Variants in DPYD observed in about 807,000 individuals in gnomAD.
DPYD encodes the protein dihydropyrimidine dehydrogenase.
A neutral mutation model predicts 116.2 loss-of-function variants in DPYD; 109 were observed. That is an observed-to-expected ratio of 0.94 (90% CI 0.80 to 1.10). The LOEUF (loss-of-function observed/expected upper bound fraction) is 1.10. Ranked by LOEUF, DPYD falls within the 50% of genes least tolerant of loss-of-function variation. DPYD has a pLI of 0.00. For synonymous variants in DPYD, 440 were observed against 432.0 expected (o/e 1.02, Z -0.23); for missense variants, 1,302 against 1,254.5 (o/e 1.04, Z -0.57).
intron 18 of DPYD, among the ~76,000 whole-genome samples, chr1:97,278,945 G>T (rs1665130359): frequency 6.6e-6 from 1 of 151,382 alleles, no homozygotes; most frequent in Non-Finnish European, 1.5e-5. Flanking sequence ...ACAGCTCTTT[G>T]CAGACACTAA....
intron 19 of DPYD, among the ~76,000 whole-genome samples, chr1:97,195,569 C>CATATATATATATATATATAT (rs1200424384): frequency 2.7e-5 from 1 of 37,376 alleles, no homozygotes; most frequent in African/African-American, 1.0e-4. Context: ...ACAGAACTCT[C>CATATATATATATATATATAT]ATATATATAT....
At chr1:97,740,543 TATACTC>T in intron 3 of DPYD, 64 bp from the exon 4 acceptor site, 1 of 1,372,448 alleles carries the variant, frequency 7.3e-7, no homozygotes, top group Non-Finnish European at 1.0e-6. Context: ...TTTTCTACCT[TATACTC>T]ATTCAGAGTC....
chr1:97,731,256 A>C (rs1663592969), intron 4 of DPYD, among the ~76,000 whole-genome samples: 2 of 152,108 alleles, frequency 1.3e-5, no homozygotes, highest in Non-Finnish European at 2.9e-5. Context: ...TGTGATGCAT[A>C]GTACAGTGTG....
chr1:97,155,604 C>T (rs772038468), intron 20 of DPYD, among the ~76,000 whole-genome samples: 1 of 152,164 alleles, frequency 6.6e-6, no homozygotes, highest in African/African-American at 2.4e-5. Flanking sequence ...ATACTGCTTT[C>T]TAAATTGTGT....
intron 21 of DPYD, among the ~76,000 whole-genome samples, chr1:97,092,994 A>T (rs905246948): frequency 3.9e-5 from 6 of 152,108 alleles, no homozygotes; most frequent in African/African-American, 1.4e-4. Flanking sequence ...TACCTGAAAT[A>T]TTCTCAGTTC....
chr1:97,678,860 G>T (rs1447013965), intron 8 of DPYD, among the ~76,000 whole-genome samples: 1 of 152,020 alleles, frequency 6.6e-6, no homozygotes, highest in Non-Finnish European at 1.5e-5. Context: ...ATGATGGTGT[G>T]GTGAAAGAAT....
Position 97,624,349 on chromosome 1 carries a change from T to C in DPYD, c.851-29183A>G, listed in dbSNP as rs143314049. Among the ~76,000 whole-genome samples, 1,126 of 152,080 alleles carry C rather than the reference T, an allele frequency of 7.4e-3. 15 individuals are homozygous for C. Among genetic ancestry groups the C allele is most frequent in the African/African-American group, 0.026 (1,071 of 41,512 alleles). ...CATTTCTCAAAAGATGACATACAAA[T>C]GGCCTAGAATATATGAAAATTATCC... On this transcript the variant is annotated intron_variant, in intron 8 of 22. Transcript: ENST00000370192.
At chr1:97,141,362 T>TC (rs980501721) in intron 20 of DPYD, among the ~76,000 whole-genome samples, 5 of 152,066 alleles carry the variant, frequency 3.3e-5, no homozygotes, top group Non-Finnish European at 5.9e-5. Flanking sequence ...CTCTTATTAC[T>TC]CCCCCTATCT....
Position 97,620,636 on chromosome 1 carries a change from A to G in DPYD, c.851-25470T>C, listed in dbSNP as rs542962376. On this transcript the variant is annotated intron_variant, in intron 8 of 22. Coordinates refer to ENST00000370192, the MANE Select transcript of DPYD (RefSeq NM_000110.4). ...TCAGTGAAGTTTCAGATAAATTACA[A>G]TTTCTGGATATCTGGACAGGAATCC... is the stretch of plus-strand genomic sequence containing the variant. Among the ~76,000 whole-genome samples, 4 of 152,264 alleles carry G rather than the reference A, an allele frequency of 2.6e-5. No homozygotes were observed. In the South Asian group the frequency reaches 6.2e-4, roughly 24 times the overall value.
At chr1:97,265,804 T>C (rs1036234265) in intron 18 of DPYD, among the ~76,000 whole-genome samples, 5 of 152,314 alleles carry the variant, frequency 3.3e-5, no homozygotes, top group African/African-American at 1.2e-4. Context: ...ATTTCAAACA[T>C]GTACTCTATC....
chr1:97,100,075 T>C (rs1650553477), intron 20 of DPYD, among the ~76,000 whole-genome samples: 1 of 152,068 alleles, frequency 6.6e-6, no homozygotes, highest in African/African-American at 2.4e-5. Context: ...CTTTCTTAAT[T>C]TGTAATATTT....
chr1:97,158,637 T>A (rs1281326992), intron 20 of DPYD, among the ~76,000 whole-genome samples: 1 of 150,868 alleles, frequency 6.6e-6, no homozygotes, highest in Non-Finnish European at 1.5e-5. Context: ...GCTCAGGGGG[T>A]GGTACCAAGC....
chr1:97,353,095 A>G (rs761062949), intron 16 of DPYD, among the ~76,000 whole-genome samples: 7 of 152,232 alleles, frequency 4.6e-5, no homozygotes, highest in Admixed American at 2.6e-4. Flanking sequence ...GATGACAGGA[A>G]AAGAGCAGCA....
chr1:97,724,153 G>T (rs192470504), intron 4 of DPYD, among the ~76,000 whole-genome samples: 1 of 151,468 alleles, frequency 6.6e-6, no homozygotes, highest in East Asian at 1.9e-4. Flanking sequence ...TTAATAAAAG[G>T]CCTCTACAAA....
intron 18 of DPYD, among the ~76,000 whole-genome samples, chr1:97,286,707 C>T (rs901023305): frequency 1.2e-4 from 18 of 152,140 alleles, no homozygotes; most frequent in Non-Finnish European, 1.8e-4. Flanking sequence ...TCCAGTTGAT[C>T]GCATCGGCTC....
At position 97,636,009 on chromosome 1, in the gene DPYD, T is replaced by C. The variant is rs1322207424; in HGVS notation, c.851-40843A>G. ...TAAGTTTTGTATTTTATTGTAGAGA[T>C]GGGGTTTCGCCATATTGCTCAGGCT... On this transcript the variant is annotated intron_variant, in intron 8 of 22. Coordinates refer to ENST00000370192, the MANE Select transcript of DPYD (RefSeq NM_000110.4). Among the ~76,000 whole-genome samples the C allele has an allele frequency of 2.6e-5, 4 of 151,968 alleles. No homozygotes were observed. In the South Asian group the frequency reaches 6.2e-4, roughly 24 times the overall value.
chr1:97,435,787 C>A (rs1268200135), intron 14 of DPYD, among the ~76,000 whole-genome samples: 2 of 151,558 alleles, frequency 1.3e-5, no homozygotes, highest in South Asian at 2.1e-4. Context: ...AAATAAATAT[C>A]TAAAGAGTAT....
At chr1:97,742,975 T>G (rs1331281526) in intron 3 of DPYD, among the ~76,000 whole-genome samples, 1 of 152,106 alleles carries the variant, frequency 6.6e-6, no homozygotes, top group African/African-American at 2.4e-5. Context: ...CCAACTTGAA[T>G]AATAACACAA....
At chr1:97,375,258 T>G (rs1292416266) in intron 15 of DPYD, among the ~76,000 whole-genome samples, 6 of 152,124 alleles carry the variant, frequency 3.9e-5, no homozygotes, top group Non-Finnish European at 7.4e-5. Context: ...ACACCAGACC[T>G]TTCTTTAGGG....
Sources: allele counts gnomAD v4.1 joint callset (sites outside exome capture counted in the v4.1 genomes callset), GRCh38; gene constraint gnomAD v4.1.1; transcripts MANE v1.5; gene names NCBI Gene and HGNC (gene_info 2026-07-23, HGNC 2026-07-21).